Variants in DHTKD1 observed in about 807,000 individuals in gnomAD.
DHTKD1 encodes 2-oxoadipate dehydrogenase complex component E1.
Under a neutral mutation model 101.8 loss-of-function variants are expected in DHTKD1, and 78 were observed. The observed-to-expected ratio is 0.77, with a 90% CI of 0.64 to 0.93. The LOEUF (loss-of-function observed/expected upper bound fraction) is 0.93. DHTKD1 is among the 40% of genes least tolerant of loss of function. The pLI, the probability that DHTKD1 is intolerant of heterozygous loss-of-function variation, is 0.00. For missense variants in DHTKD1, 1,223 were observed against 1,161.7 expected, an observed-to-expected ratio of 1.05 and a Z score of -0.77; for synonymous variants, 462 against 450.3, an observed-to-expected ratio of 1.03 and a Z score of -0.33.
intron 13 of DHTKD1, among the ~76,000 whole-genome samples, chr10:12,115,633 C>T (rs1199177689): frequency 2.6e-5 from 4 of 152,170 alleles, no homozygotes; most frequent in Non-Finnish European, 4.4e-5. Context: ...AGTGGTCTAC[C>T]GGTTCTTTCT....
intron 1 of DHTKD1, 129 bp downstream of exon 1, chr10:12,069,316 G>T (rs1588597576): frequency 2.7e-6 from 2 of 736,470 alleles, no homozygotes; most frequent in Admixed American, 3.0e-5. Flanking sequence ...TGGGGAGGAG[G>T]GGGAGGTGAG....
Position 12,099,771 on chromosome 10 carries a change from T to G in DHTKD1, c.1672-407T>G, listed in dbSNP as rs185931916. The stretch of plus-strand genomic sequence containing the variant: ...TGTACTCTGTTTTTATTCAGCATTG[T>G]TTTTGATGCTTAATTTCGTTGCTTT... On this transcript the variant is annotated intron_variant, in intron 8 of 16. Transcript: ENST00000263035. 3.6e-3 allele frequency among the ~76,000 whole-genome samples: 542 copies of G among 151,358 alleles called. 1 individual carries two copies. The highest frequency in any genetic ancestry group is 5.6e-3 in the Non-Finnish European group (381 of 67,912).
chr10:12,093,913 T>C (rs1249427732), intron 6 of DHTKD1, among the ~76,000 whole-genome samples, 160 bp from the exon 7 acceptor site: 2 of 152,010 alleles, frequency 1.3e-5, no homozygotes, highest in African/African-American at 2.4e-5. Context: ...AGTCCCAGAG[T>C]TGGAACTTGC....
chr10:12,077,232 GTT>G (rs1028042885), intron 1 of DHTKD1, among the ~76,000 whole-genome samples: 2 of 141,794 alleles, frequency 1.4e-5, no homozygotes, highest in African/African-American at 2.6e-5. Context: ...AGTGTTTTTT[GTT>G]TTTTTTTTTT....
At chr10:12,101,848 T>C (rs918482519) in intron 10 of DHTKD1, among the ~76,000 whole-genome samples, 32 of 152,166 alleles carry the variant, frequency 2.1e-4, no homozygotes, top group Non-Finnish European at 7.3e-5. Context: ...GCAGTCCACC[T>C]GCCTTGGCCT....
At chr10:12,106,533 A>G (rs577504114) in intron 11 of DHTKD1, 137 bp downstream of exon 11, 2 of 1,092,872 alleles carry the variant, frequency 1.8e-6, no homozygotes, top group East Asian at 4.8e-5. Flanking sequence ...AGTTGGGGTC[A>G]CCCTGTTATG....
intron 12 of DHTKD1, among the ~76,000 whole-genome samples, chr10:12,111,260 G>A (rs1833325416): frequency 6.6e-6 from 1 of 152,100 alleles, no homozygotes; most frequent in South Asian, 2.1e-4. Context: ...CTGCCTCCCA[G>A]GTTCAAGCAA....
intron 1 of DHTKD1, among the ~76,000 whole-genome samples, chr10:12,070,718 A>G (rs10466279): frequency 0.069 from 10,550 of 152,164 alleles, 1,205 homozygotes; most frequent in African/African-American, 0.24. Flanking sequence ...TGAACTCCCG[A>G]CCTGAAGTGA....
chr10:12,107,831 A>C lies in DHTKD1; in HGVS notation c.2048-78A>C. 3.2e-6 allele frequency: 3 copies of C among 941,200 alleles called. No individual in the cohort carries two copies. Among genetic ancestry groups the C allele is most frequent in the Non-Finnish European group, 5.0e-6 (3 of 594,742 alleles). 58.3% of individuals were successfully genotyped at this position (941,200 alleles called of 1,614,324 possible). A position where few individuals can be genotyped will look rare whatever the true frequency, so the allele number is the denominator to read the frequency against. ...GGGGCCAGGCAGAAAACTAACATTG[A>C]TTTCCCCAGCTGAGTCGTGTCAGGC... On this transcript the variant is annotated intron_variant, in intron 11 of 16. Coordinates refer to ENST00000263035, the MANE Select transcript of DHTKD1 (RefSeq NM_018706.7). This position sits in a 1 kb window ranked among gnomAD's most constrained non-coding sequence, Gnocchi z 4.1.
At chr10:12,081,403 A>G in intron 1 of DHTKD1, 69 bp from the exon 2 acceptor site, 1 of 1,375,532 alleles carries the variant, frequency 7.3e-7, no homozygotes, top group Non-Finnish European at 1.0e-6. Flanking sequence ...GCTTCTTTGA[A>G]AATCTGATTT....
At chr10:12,099,562 C>T (rs987148480) in intron 8 of DHTKD1, among the ~76,000 whole-genome samples, 8 of 151,954 alleles carry the variant, frequency 5.3e-5, no homozygotes, top group Non-Finnish European at 1.5e-5. Context: ...GTGGTGTGCA[C>T]CCATAGTCCC....
At chr10:12,079,028 G>T (rs571260945) in intron 1 of DHTKD1, among the ~76,000 whole-genome samples, 2 of 152,108 alleles carry the variant, frequency 1.3e-5, no homozygotes, top group Non-Finnish European at 2.9e-5. Flanking sequence ...GGGGGAGATC[G>T]CTCAGAGAGA....
intron 11 of DHTKD1, among the ~76,000 whole-genome samples, 200 bp downstream of exon 11, chr10:12,106,596 C>T (rs1413288001): frequency 6.6e-6 from 1 of 152,174 alleles, no homozygotes; most frequent in Non-Finnish European, 1.5e-5. Context: ...AAAACCCAAG[C>T]TCTCTCTCAG....
rs1166223411 is a variant in DHTKD1 at position 12,122,679 on chromosome 10, T to C, written c.*1791T>C. 1 of 151,858 alleles carries C rather than the reference T, an allele frequency of 6.6e-6. No homozygotes were observed. The highest frequency in any genetic ancestry group is 1.5e-5 in the Non-Finnish European group (1 of 68,008). The allele number at this position is 151,858 out of a possible 1,614,324, so 9.4% of individuals were successfully genotyped here. ...AAAAAGAAAAGAACACTTCTTTATT[T>C]GAGGGACTTTCCCAACACCAGGTGC... On this transcript the variant is annotated 3_prime_UTR_variant, in exon 17 of 17. Transcript: ENST00000263035.
Position 12,069,003 on chromosome 10 carries a change from C to G in DHTKD1, c.-31C>G. 5 of 1,612,042 alleles carry G rather than the reference C, an allele frequency of 3.1e-6. No homozygotes were observed. Among genetic ancestry groups the G allele is most frequent in the Non-Finnish European group, 4.2e-6 (5 of 1,179,298 alleles). On this transcript the variant is annotated 5_prime_UTR_variant, in exon 1 of 17. Transcript: ENST00000263035. Reference sequence around the variant, plus strand: ...CGGTGGGATCCCCTCGGGCTCCCGCCTTAGCATGCTGGCCGGGACATCTGG... The same window carrying G: ...CGGTGGGATCCCCTCGGGCTCCCGCGTTAGCATGCTGGCCGGGACATCTGG...
At chr10:12,086,736 G>C (rs1172802924) in intron 3 of DHTKD1, among the ~76,000 whole-genome samples, 1 of 152,134 alleles carries the variant, frequency 6.6e-6, no homozygotes, top group Non-Finnish European at 1.5e-5. Context: ...TGTCACCCAG[G>C]TTGGAGTGCA....
At chr10:12,104,248 G>A (rs567854816) in intron 10 of DHTKD1, among the ~76,000 whole-genome samples, 2 of 151,368 alleles carry the variant, frequency 1.3e-5, no homozygotes, top group South Asian at 2.1e-4. Context: ...GCGCAACCTC[G>A]GCTCACTGCA....
At chr10:12,097,505 C>T (rs1833087817) in intron 7 of DHTKD1, among the ~76,000 whole-genome samples, 179 bp from the exon 8 acceptor site, 1 of 152,144 alleles carries the variant, frequency 6.6e-6, no homozygotes, top group South Asian at 2.1e-4. Flanking sequence ...AACTCCTGAC[C>T]TCAGGTGATC....
At chr10:12,100,287 G>GTTTTTTTTTTTTGTTTTTTTTT in intron 9 of DHTKD1, 25 bp downstream of exon 9, 2 of 269,852 alleles carry the variant, frequency 7.4e-6, no homozygotes, top group Non-Finnish European at 6.1e-6. Context: ...TTTTTTTTCT[G>GTTTTTTTTTTTTGTTTTTTTTT]TTTTTTTTTT....
Sources: gnomAD v4.1 joint callset for allele counts (sites outside exome capture counted in the v4.1 genomes callset) on GRCh38, gnomAD v4.1.1 for gene constraint, Gnocchi (gnomAD v3.1) non-coding constraint, MANE v1.5 for transcripts, NCBI Gene and HGNC (gene_info 2026-07-23, HGNC 2026-07-21) for gene names.